CASD1: variants seen among roughly 807,000 people sequenced by gnomAD.
CASD1 encodes CAS1 domain sialic acid O acetyltransferase 1, also known as N-acetylneuraminate (7)9-O-acetyltransferase.
A neutral mutation model predicts 100.0 loss-of-function variants in CASD1; 41 were observed. That is an observed-to-expected ratio of 0.41 (90% CI 0.32 to 0.53). The LOEUF (loss-of-function observed/expected upper bound fraction) is 0.53. Among genes scored for constraint, CASD1 ranks in the 20% least tolerant of loss-of-function variants. The pLI is 0.25. For missense variants in CASD1, 774 were observed against 948.7 expected, an observed-to-expected ratio of 0.82 and a Z score of 2.42; for synonymous variants, 321 against 315.6, an observed-to-expected ratio of 1.02 and a Z score of -0.18.
chr7:94,567,613 A>C, the CASD1 span, among the ~76,000 whole-genome samples: 1 of 152,198 alleles, frequency 6.6e-6, no homozygotes, highest in African/African-American at 2.4e-5. Flanking sequence ...TTAAAATACC[A>C]GGGAAGCTAT....
the CASD1 span, chr7:94,594,554 A>T: frequency 6.6e-6 from 1 of 152,102 alleles, no homozygotes; most frequent in Non-Finnish European, 1.5e-5. Flanking sequence ...ATCCTAGAAC[A>T]GAAAAAGGAC....
chr7:94,583,405 C>T, the CASD1 span, among the ~76,000 whole-genome samples: 1 of 152,146 alleles, frequency 6.6e-6, no homozygotes, highest in Non-Finnish European at 1.5e-5. Flanking sequence ...AATAAACACA[C>T]AAGCTTGGTG....
chr7:94,511,457 T>C (rs1047953860), intron 1 of CASD1, among the ~76,000 whole-genome samples: 1 of 152,232 alleles, frequency 6.6e-6, no homozygotes. Flanking sequence ...CAGCTTTTAG[T>C]ATACTAAATT....
At chr7:94,518,773 G>A (rs1024715464) in intron 3 of CASD1, among the ~76,000 whole-genome samples, 1 of 151,372 alleles carries the variant, frequency 6.6e-6, no homozygotes, top group Non-Finnish European at 1.5e-5. Flanking sequence ...ATCAACTTAA[G>A]TATCTTCTTA....
intron 1 of CASD1, among the ~76,000 whole-genome samples, chr7:94,514,609 G>C (rs116315611): frequency 0.012 from 1,758 of 152,136 alleles, 35 homozygotes; most frequent in African/African-American, 0.04. Flanking sequence ...TTGCTTTTAA[G>C]TATTTTTCTA....
At chr7:94,521,086 G>A (rs1278583428) in intron 3 of CASD1, among the ~76,000 whole-genome samples, 1 of 151,926 alleles carries the variant, frequency 6.6e-6, no homozygotes, top group Non-Finnish European at 1.5e-5. Context: ...GTGAGACTCT[G>A]TCTCAAAAAG....
At chr7:94,541,968 T>C (rs906138485) in intron 10 of CASD1, among the ~76,000 whole-genome samples, 3 of 152,162 alleles carry the variant, frequency 2.0e-5, no homozygotes, top group Non-Finnish European at 4.4e-5. Context: ...TTCTGTTCAT[T>C]TAAAATATCT....
intron 5 of CASD1, among the ~76,000 whole-genome samples, chr7:94,528,506 T>G (rs1794689319): frequency 6.6e-6 from 1 of 152,158 alleles, no homozygotes; most frequent in African/African-American, 2.4e-5. Context: ...ATATTTAAAG[T>G]CTTCTGTTAC....
chr7:94,625,848 G>A, the CASD1 span: 4 of 152,018 alleles, frequency 2.6e-5, no homozygotes, highest in African/African-American at 4.8e-5. Flanking sequence ...AATGTTGCTT[G>A]ATGAGCATGA....
chr7:94,526,247 C>G (rs1794559250), intron 3 of CASD1, among the ~76,000 whole-genome samples: 1 of 152,172 alleles, frequency 6.6e-6, no homozygotes, highest in African/African-American at 2.4e-5. Context: ...AGGCTTTGCT[C>G]CACACAGTCA....
chr7:94,535,122 G>C (rs1240295208), intron 7 of CASD1, among the ~76,000 whole-genome samples, 187 bp from the exon 8 acceptor site: 1 of 152,132 alleles, frequency 6.6e-6, no homozygotes, highest in Non-Finnish European at 1.5e-5. Flanking sequence ...CTCAAAACTT[G>C]AATATAAGAT....
the CASD1 span, chr7:94,598,637 G>A: frequency 1.3e-6 from 1 of 745,310 alleles, no homozygotes; most frequent in South Asian, 1.5e-5. Flanking sequence ...GTAGGGGTGA[G>A]ATTTACACAA....
At chr7:94,614,944 T>C in the CASD1 span, among the ~76,000 whole-genome samples, 2 of 152,224 alleles carry the variant, frequency 1.3e-5, no homozygotes, top group African/African-American at 4.8e-5. Context: ...GTTTTTTTGT[T>C]ATAAAAATTG....
At chr7:94,627,790 C>A in the CASD1 span, 2 of 176,574 alleles carry the variant, frequency 1.1e-5, no homozygotes. Flanking sequence ...ATTTATCATT[C>A]TATCCCTAAG....
At chr7:94,602,081 A>C in the CASD1 span, among the ~76,000 whole-genome samples, 3 of 152,140 alleles carry the variant, frequency 2.0e-5, no homozygotes, top group African/African-American at 4.8e-5. Context: ...AATAGTCCTA[A>C]ACATAAACTC....
chr7:94,564,676 C>T, the CASD1 span, among the ~76,000 whole-genome samples: 184 of 152,198 alleles, frequency 1.2e-3, no homozygotes, highest in Non-Finnish European at 2.5e-4. Context: ...TGGCCAGAAC[C>T]CCATTTACTA....
chr7:94,614,063 A>AGCACTG, the CASD1 span, among the ~76,000 whole-genome samples: 1 of 148,638 alleles, frequency 6.7e-6, no homozygotes. Flanking sequence ...TGCAAGCCAG[A>AGCACTG]GCACTGCATT....
At position 94,556,184 on chromosome 7, in the gene CASD1, T is replaced by A; in HGVS notation, c.*426T>A. ...AGACTGTCTGCACCTGTATTCATTG[T>A]GGAACTTCCTCTTTCATTGGAAACT... is the stretch of plus-strand genomic sequence containing the variant. On this transcript the variant is annotated 3_prime_UTR_variant, in exon 18 of 18. Coordinates refer to ENST00000297273, the MANE Select transcript of CASD1 (RefSeq NM_022900.5). 6.4e-6 allele frequency: 1 copy of A among 155,704 alleles called. No homozygotes were observed. The highest frequency in any genetic ancestry group is 1.4e-5 in the Non-Finnish European group (1 of 70,266). The allele number at this position is 155,704 out of a possible 1,614,324, so 9.6% of individuals were successfully genotyped here. A position where few individuals can be genotyped will look rare whatever the true frequency, so the allele number is the denominator to read the frequency against.
chr7:94,624,605 C>A, the CASD1 span: 1 of 179,244 alleles, frequency 5.6e-6, no homozygotes, highest in Non-Finnish European at 1.2e-5. Flanking sequence ...ATTAAACAAA[C>A]TAGGAACTTT....
Sources: gnomAD v4.1 joint callset for allele counts (sites outside exome capture counted in the v4.1 genomes callset) on GRCh38, gnomAD v4.1.1 for gene constraint, MANE v1.5 for transcripts, NCBI Gene and HGNC (gene_info 2026-07-23, HGNC 2026-07-21) for gene names.